SH3RF1: variants seen among roughly 807,000 people sequenced by gnomAD.
SH3RF1 encodes the protein E3 ubiquitin-protein ligase SH3RF1.
Under a neutral mutation model 74.0 loss-of-function variants are expected in SH3RF1, and 32 were observed. The ratio of observed to expected loss-of-function variants is 0.43; its 90% CI spans 0.33 to 0.58. The LOEUF is 0.58. Among genes scored for constraint, SH3RF1 ranks in the 20% least tolerant of loss-of-function variants. SH3RF1 has a pLI of 0.05. For missense variants in SH3RF1, 954 were observed against 1,130.9 expected (o/e 0.84, Z 2.24); for synonymous variants, 396 against 439.6 (o/e 0.90, Z 1.24).
intron 2 of SH3RF1, among the ~76,000 whole-genome samples, chr4:169,199,480 G>A (rs1273990685): frequency 8.5e-5 from 13 of 152,166 alleles, no homozygotes; most frequent in Non-Finnish European, 1.9e-4. Context: ...GGGCATGGAT[G>A]AGGTCCAAGC....
intron 2 of SH3RF1, among the ~76,000 whole-genome samples, chr4:169,195,376 T>C (rs67594695): frequency 0.11 from 17,142 of 152,176 alleles, 971 homozygotes; most frequent in Middle Eastern, 0.15. Context: ...CTGCTTTTAT[T>C]AGCATTACAG....
At chr4:169,181,097 C>G (rs538855273) in intron 2 of SH3RF1, among the ~76,000 whole-genome samples, 117 of 152,022 alleles carry the variant, frequency 7.7e-4, no homozygotes, top group Non-Finnish European at 9.6e-4. Flanking sequence ...TTCGAATGTT[C>G]TTAGACATAC....
At chr4:169,190,478 T>C (rs1157157883) in intron 2 of SH3RF1, among the ~76,000 whole-genome samples, 4 of 151,974 alleles carry the variant, frequency 2.6e-5, no homozygotes, top group East Asian at 3.9e-4. Context: ...CTAGAGGAGA[T>C]GGATAAATTT....
At position 169,174,763 on chromosome 4, in the gene SH3RF1, C is replaced by A. The variant is rs1031132983; in HGVS notation, c.394-18084G>T. On this transcript the variant is annotated intron_variant, in intron 2 of 11. Transcript: ENST00000284637. ...AAGTTTTCTAAAGCCCCACCCCAAA[C>A]CAATTAAATAAAAATCTCTGGGGCT... Among the ~76,000 whole-genome samples the A allele has an allele frequency of 3.9e-5, 6 of 152,034 alleles. No individual in the cohort carries two copies. The South Asian group carries it at 1.0e-3, about 26-fold the overall frequency.
chr4:169,155,424 G>A, intron 4 of SH3RF1, 56 bp downstream of exon 4: 2 of 1,366,174 alleles, frequency 1.5e-6, no homozygotes. Flanking sequence ...GCATAATTAA[G>A]ATTTATTTAG....
chr4:169,117,865 C>CA, intron 8 of SH3RF1, 83 bp from the exon 9 acceptor site: 1 of 1,483,028 alleles, frequency 6.7e-7, no homozygotes, highest in Non-Finnish European at 9.1e-7. Flanking sequence ...AAAAATGACT[C>CA]AGAGCTTTAA....
chr4:169,120,901 G>C lies in SH3RF1; in HGVS notation c.1435C>G (p.Gln479Glu), dbSNP rs1423304039. The change falls in exon 8 of 12, where the codon CAG (glutamine) becomes GAG (glutamate). Residue 479 changes from glutamine to glutamate, a missense_variant. Physicochemically the swap from Gln to Glu is conservative, Grantham distance 29. This residue lies in a region of SH3RF1 where 854 missense variants were observed against 962.5 expected (regional missense o/e 0.89). Transcript: ENST00000284637. ...GATGTCCCTTTGAACCAGCCATCCT[G>C]GCAGCGCTCAAACACTAAAAACATC... is the stretch of plus-strand genomic sequence containing the variant. ...GEMFLVFERCQDGWFKGTSMH... is the reference protein window; with the variant it reads ...GEMFLVFERCEDGWFKGTSMH... 1 of 1,614,144 alleles carries C rather than the reference G, an allele frequency of 6.2e-7. No individual in the cohort carries two copies. The highest frequency in any genetic ancestry group is 1.1e-5 in the South Asian group (1 of 91,080).
chr4:169,266,025 C>T (rs1419713815), intron 2 of SH3RF1, among the ~76,000 whole-genome samples: 1 of 152,094 alleles, frequency 6.6e-6, no homozygotes, highest in East Asian at 1.9e-4. Context: ...TGGCTCATTC[C>T]ACTGCTTGAC....
intron 4 of SH3RF1, among the ~76,000 whole-genome samples, chr4:169,152,613 T>C (rs1733992997): frequency 6.6e-6 from 1 of 152,118 alleles, no homozygotes; most frequent in South Asian, 2.1e-4. Context: ...GGTGCATGTC[T>C]GTAATCCCAG....
intron 2 of SH3RF1, among the ~76,000 whole-genome samples, chr4:169,170,069 TA>T (rs908535469): frequency 0.012 from 1,636 of 140,360 alleles, 12 homozygotes; most frequent in African/African-American, 0.023. Context: ...GAGGCTTCCT[TA>T]AAAAAAAAAA....
intron 2 of SH3RF1, among the ~76,000 whole-genome samples, chr4:169,232,126 G>T (rs944700601): frequency 1.3e-5 from 2 of 152,176 alleles, no homozygotes; most frequent in Admixed American, 6.5e-5. Context: ...ACACTGGATG[G>T]CCAGTGTGGC....
chr4:169,118,891 A>G (rs1733390229), intron 8 of SH3RF1, among the ~76,000 whole-genome samples: 1 of 152,210 alleles, frequency 6.6e-6, no homozygotes, highest in Non-Finnish European at 1.5e-5. Context: ...AGCCAACTCT[A>G]AACATCTATT....
intron 10 of SH3RF1, 139 bp downstream of exon 10, chr4:169,116,130 T>C (rs890325150): frequency 1.1e-5 from 13 of 1,217,080 alleles, no homozygotes; most frequent in African/African-American, 3.0e-5. Context: ...GCACCTGGCA[T>C]AGTGACTCAC....
intron 11 of SH3RF1, among the ~76,000 whole-genome samples, chr4:169,105,095 T>C (rs1254509931): frequency 6.6e-6 from 1 of 152,158 alleles, no homozygotes; most frequent in East Asian, 1.9e-4. Context: ...AAGGTGAATT[T>C]AAGGCATTTA....
chr4:169,138,495 G>C (rs1436305248), intron 4 of SH3RF1, among the ~76,000 whole-genome samples: 1 of 152,202 alleles, frequency 6.6e-6, no homozygotes, highest in Non-Finnish European at 1.5e-5. Context: ...ACAAATCTTT[G>C]AAAGTGCAAA....
In SH3RF1 at chr4:169,136,554, C is replaced by T. The variant is rs1247207437; in HGVS notation, c.832G>A (p.Glu278Lys). The T allele has an allele frequency of 6.2e-7, 1 of 1,602,902 alleles. No individual in the cohort carries two copies. The highest frequency in any genetic ancestry group is 8.5e-7 in the Non-Finnish European group (1 of 1,175,250). The change falls in exon 5 of 12, where the codon GAA (glutamate) becomes AAA (lysine). Residue 278 changes from glutamate (E) to lysine (K), a missense_variant. By Grantham distance (56) the Glu-to-Lys change is moderately conservative. Coordinates refer to ENST00000284637, the MANE Select transcript of SH3RF1 (RefSeq NM_020870.4). ...CTCTGGGCTGCTGCCGAGGAACATT[C>T]TCCAGCATCAACTCCTGGCACAGGA... is the stretch of plus-strand genomic sequence containing the variant. ...KPPVPGVDAGECSSAAAQSST... is the reference protein window; with the variant it reads ...KPPVPGVDAGKCSSAAAQSST...
intron 2 of SH3RF1, among the ~76,000 whole-genome samples, chr4:169,162,804 G>T (rs1033289407): frequency 6.6e-6 from 1 of 152,130 alleles, no homozygotes; most frequent in African/African-American, 2.4e-5. Context: ...TTCCAGACCT[G>T]GTTCCAGTTC....
chr4:169,150,134 T>C (rs956053778), intron 4 of SH3RF1, among the ~76,000 whole-genome samples: 1 of 152,238 alleles, frequency 6.6e-6, no homozygotes, highest in African/African-American at 2.4e-5. Context: ...GATTTGTCTA[T>C]GGTTGATTCT....
intron 2 of SH3RF1, among the ~76,000 whole-genome samples, chr4:169,234,389 G>C (rs1281110626): frequency 6.6e-6 from 1 of 152,078 alleles, no homozygotes; most frequent in African/African-American, 2.4e-5. Context: ...TTTAGAATAT[G>C]ATCTCAGACG....
Sources: allele counts gnomAD v4.1 joint callset (sites outside exome capture counted in the v4.1 genomes callset), GRCh38; gene constraint gnomAD v4.1.1; regional missense constraint gnomAD v4.1.1; transcripts MANE v1.5; gene names NCBI Gene and HGNC (gene_info 2026-07-23, HGNC 2026-07-21).